DAB1: variants seen among roughly 807,000 people sequenced by gnomAD.
The protein encoded by DAB1 is disabled homolog 1.
Under a neutral mutation model 64.6 loss-of-function variants are expected in DAB1, and 15 were observed. That is an observed-to-expected ratio of 0.23 (90% CI 0.16 to 0.36). The LOEUF is 0.36. Ranked by LOEUF, DAB1 falls within the 10% of genes least tolerant of loss-of-function variation. The probability of loss-of-function intolerance (pLI) is 1.00; values close to 1 mark genes in which losing one functional copy is unlikely to be tolerated. For synonymous variants in DAB1, 235 were observed against 251.9 expected, an observed-to-expected ratio of 0.93 and a Z score of 0.64; for missense variants, 596 against 706.7, an observed-to-expected ratio of 0.84 and a Z score of 1.78.
At chr1:57,939,227 T>A in intron 5 of DAB1, among the ~76,000 whole-genome samples, 1 of 151,998 alleles carries the variant, frequency 6.6e-6, no homozygotes, top group Non-Finnish European at 1.5e-5. Flanking sequence ...GGTCTCTCTG[T>A]CCCCTTATGA....
intron 2 of DAB1, among the ~76,000 whole-genome samples, chr1:58,508,002 A>C (rs1218778784): frequency 6.6e-6 from 1 of 152,226 alleles, no homozygotes; most frequent in Admixed American, 6.5e-5. Flanking sequence ...ATACTTATCT[A>C]ATTTTTTTAG....
At chr1:57,811,293 G>A (rs1325463525) in intron 6 of DAB1, among the ~76,000 whole-genome samples, 1 of 152,192 alleles carries the variant, frequency 6.6e-6, no homozygotes, top group Non-Finnish European at 1.5e-5. Context: ...TTAGATCACG[G>A]GGGTGGTTTC....
intron 1 of DAB1, among the ~76,000 whole-genome samples, chr1:57,409,573 G>A (rs189588774): frequency 3.3e-5 from 5 of 152,280 alleles, no homozygotes; most frequent in African/African-American, 9.6e-5. Flanking sequence ...CAATTTGGGA[G>A]GCCGAGGTGG....
chr1:57,304,873 C>T (rs1674000093), intron 1 of DAB1, among the ~76,000 whole-genome samples: 1 of 152,168 alleles, frequency 6.6e-6, no homozygotes, highest in Non-Finnish European at 1.5e-5. Context: ...GATATGTTCA[C>T]TTAGCCTGAT....
chr1:57,666,091 G>A (rs542036320), intron 6 of DAB1, among the ~76,000 whole-genome samples: 12 of 152,232 alleles, frequency 7.9e-5, no homozygotes, highest in Non-Finnish European at 1.3e-4. Context: ...AAAGTTGCTA[G>A]AGGAAAAACA....
At chr1:57,502,293 T>G (rs1234083946) in intron 7 of DAB1, among the ~76,000 whole-genome samples, 2 of 119,722 alleles carry the variant, frequency 1.7e-5, no homozygotes, top group Non-Finnish European at 3.2e-5. Flanking sequence ...CACTCCAGCC[T>G]GGGCGACACA....
chr1:58,107,473 AAAAAAAAAAAAATCT>A (rs1423848672), intron 5 of DAB1, among the ~76,000 whole-genome samples: 38 of 151,646 alleles, frequency 2.5e-4, no homozygotes, highest in South Asian at 1.0e-3. Flanking sequence ...CATCTCCAAA[AAAAAAAAAAAAATCT>A]AAAAAAAGTA....
At chr1:57,363,647 A>G (rs1679737186) in intron 1 of DAB1, among the ~76,000 whole-genome samples, 1 of 152,212 alleles carries the variant, frequency 6.6e-6, no homozygotes, top group Admixed American at 6.5e-5. Flanking sequence ...ATTGTAGGAT[A>G]CAGGAGACTG....
At chr1:58,465,162 G>C (rs112523428) in intron 3 of DAB1, among the ~76,000 whole-genome samples, 1 of 152,168 alleles carries the variant, frequency 6.6e-6, no homozygotes, top group African/African-American at 2.4e-5. Flanking sequence ...TCAGAGACTC[G>C]CATGACAAGC....
At chr1:57,799,586 G>C (rs201567633) in intron 6 of DAB1, among the ~76,000 whole-genome samples, 2 of 51,374 alleles carry the variant, frequency 3.9e-5, no homozygotes, top group Non-Finnish European at 9.5e-5. Flanking sequence ...AAAAAGATCT[G>C]GGGGGGGCTT....
upstream of DAB1, among the ~76,000 whole-genome samples, chr1:57,428,112 G>C (rs905365995): frequency 6.6e-6 from 1 of 151,922 alleles, no homozygotes; most frequent in Non-Finnish European, 1.5e-5. Flanking sequence ...AGGGTGCAGT[G>C]AGCTGAGATC....
intron 5 of DAB1, among the ~76,000 whole-genome samples, chr1:57,997,808 G>C (rs1646448861): frequency 6.6e-6 from 1 of 151,872 alleles, no homozygotes; most frequent in South Asian, 2.1e-4. Context: ...CTGCTGAAAG[G>C]TGAAGTTCAT....
intron 4 of DAB1, among the ~76,000 whole-genome samples, chr1:57,102,593 T>G (rs1473143173): frequency 6.6e-6 from 1 of 152,188 alleles, no homozygotes; most frequent in Non-Finnish European, 1.5e-5. Flanking sequence ...CATATGAATT[T>G]TTTCATTGCC....
chr1:57,731,878 C>T (rs1347816080), intron 6 of DAB1, among the ~76,000 whole-genome samples: 1 of 152,106 alleles, frequency 6.6e-6, no homozygotes, highest in African/African-American at 2.4e-5. Context: ...TCAGTCCCTC[C>T]TGTTTACTTA....
At chr1:57,406,229 T>C (rs1411909666) in intron 1 of DAB1, among the ~76,000 whole-genome samples, 1 of 152,218 alleles carries the variant, frequency 6.6e-6, no homozygotes, top group Non-Finnish European at 1.5e-5. Flanking sequence ...ATTCAGAACA[T>C]ACTTAATGCA....
Position 57,023,573 on chromosome 1 carries a change from C to A in DAB1, c.853G>T (p.Val285Leu). 1 of 1,611,910 alleles carries A rather than the reference C, an allele frequency of 6.2e-7. No individual in the cohort carries two copies. The highest frequency in any genetic ancestry group is 1.3e-5 in the African/African-American group (1 of 75,030). ...GTGCCGAAAGGTACAGAACTAAACA[C>A]ATCTGCACTCGCTGGAAGGGTCTGA... ...SSQTLPASAD[V>L]FSSVPFGTAA... is the part of the protein sequence containing the mutation. Residue 285 changes from valine (V) to leucine (L), a missense_variant, in exon 11 of 15, where the codon GTG becomes TTG. Coordinates refer to ENST00000371236, the MANE Select transcript of DAB1 (RefSeq NM_001365792.1).
chr1:57,857,206 A>T (rs894203465), intron 1 of DAB1, among the ~76,000 whole-genome samples: 7 of 152,246 alleles, frequency 4.6e-5, no homozygotes, highest in Admixed American at 2.6e-4. Flanking sequence ...GAAACAAAAA[A>T]GGCAAGTGGG....
intron 2 of DAB1, among the ~76,000 whole-genome samples, chr1:57,278,733 C>T (rs1326287402): frequency 6.6e-6 from 1 of 152,144 alleles, no homozygotes; most frequent in Non-Finnish European, 1.5e-5. Flanking sequence ...GGGGGGCAAG[C>T]AAGGCGATGT....
At position 57,580,829 on chromosome 1, in the gene DAB1, T is replaced by C. The variant is rs138259350; in HGVS notation, n.625+68763A>G. On this transcript the variant is annotated intron_variant and non_coding_transcript_variant, in intron 7 of 20. Transcript: ENST00000485760. ...GGTATGATTGTATCCAGTATACAAA[T>C]GGGTTAGTTGAGGTTCAGGGTGGAG... is the stretch of plus-strand genomic sequence containing the variant. Among the ~76,000 whole-genome samples, 87 of 152,320 alleles carry C rather than the reference T, an allele frequency of 5.7e-4. 1 individual carries two copies. The East Asian group carries it at 0.014, about 24-fold the overall frequency.
Sources: gnomAD v4.1 joint callset for allele counts (sites outside exome capture counted in the v4.1 genomes callset) on GRCh38, gnomAD v4.1.1 for gene constraint, MANE v1.5 for transcripts, NCBI Gene and HGNC (gene_info 2026-07-23, HGNC 2026-07-21) for gene names.